The following NAALADL2 variants were observed in gnomAD, a reference collection of about 807,000 sequenced individuals.
The protein encoded by NAALADL2 is inactive N-acetylated-alpha-linked acidic dipeptidase-like protein 2.
NAALADL2 carries 76 observed loss-of-function variants against 87.2 expected under a neutral mutation model. That is an observed-to-expected ratio of 0.87 (90% CI 0.72 to 1.05). The LOEUF (loss-of-function observed/expected upper bound fraction) is 1.05. Ranked by LOEUF, NAALADL2 falls within the 50% of genes least tolerant of loss-of-function variation. The pLI is 0.00. For synonymous variants in NAALADL2, 354 were observed against 331.0 expected (o/e 1.07, Z -0.75); for missense variants, 1,089 against 945.8 (o/e 1.15, Z -1.99).
chr3:175,133,026 G>C (rs1385774002), intron 2 of NAALADL2, among the ~76,000 whole-genome samples: 3 of 148,996 alleles, frequency 2.0e-5, no homozygotes, highest in African/African-American at 7.5e-5. Flanking sequence ...CCAGGTAGAG[G>C]CACTCCCCAC....
intron 2 of NAALADL2, among the ~76,000 whole-genome samples, chr3:175,191,262 A>ATTTT (rs1560141439): frequency 6.6e-6 from 1 of 152,044 alleles, no homozygotes; most frequent in African/African-American, 2.4e-5. Context: ...ATTTTTTTAA[A>ATTTT]AAATCCCAAA....
In NAALADL2 at chr3:174,814,460, T is replaced by C. The variant is rs573952127; in HGVS notation, c.-9+76714T>C. On this transcript the variant is annotated intron_variant, in intron 3 of 3. Coordinates refer to the NAALADL2 transcript ENST00000434257. The stretch of plus-strand genomic sequence containing the variant: ...AGAATTTAAATATGTATCTTGCGTG[T>C]GATCTTTATATATGAAATAATATAA... 5.3e-5 allele frequency among the ~76,000 whole-genome samples: 8 copies of C among 152,298 alleles called. No individual in the cohort carries two copies. The South Asian group carries it at 1.7e-3, about 32-fold the overall frequency.
intron 11 of NAALADL2, among the ~76,000 whole-genome samples, chr3:175,691,664 T>C (rs1177428724): frequency 6.6e-6 from 1 of 152,052 alleles, no homozygotes; most frequent in Admixed American, 6.6e-5. Context: ...ATACTCACCG[T>C]TTGACCTATT....
At chr3:174,510,952 C>T (rs1231825767) in intron 1 of NAALADL2, among the ~76,000 whole-genome samples, 1 of 151,766 alleles carries the variant, frequency 6.6e-6, no homozygotes, top group South Asian at 2.1e-4. Flanking sequence ...TTCTGTTGAT[C>T]CATGTGTCAT....
chr3:174,565,744 C>T lies in NAALADL2; in HGVS notation c.-115+15107C>T, dbSNP rs1440626674. The stretch of plus-strand genomic sequence containing the variant: ...TTTTGTTTAGTTTTGTAAGAAACTG[C>T]TAAATTGTCTTCTGAGGTGTCTGTA... On this transcript the variant is annotated intron_variant, in intron 2 of 3. Coordinates refer to the NAALADL2 transcript ENST00000434257. Among the ~76,000 whole-genome samples the T allele has an allele frequency of 3.9e-5, 6 of 152,130 alleles. No homozygotes were observed. In the South Asian group the frequency reaches 1.2e-3, roughly 31 times the overall value.
intron 3 of NAALADL2, among the ~76,000 whole-genome samples, chr3:174,741,421 A>T (rs1370962648): frequency 1.3e-5 from 2 of 151,704 alleles, no homozygotes; most frequent in Admixed American, 1.3e-4. Flanking sequence ...CATACAACTT[A>T]ATTAGGTAAA....
chr3:174,980,688 T>A (rs1025875535), intron 1 of NAALADL2, among the ~76,000 whole-genome samples: 38 of 152,184 alleles, frequency 2.5e-4, no homozygotes, highest in Non-Finnish European at 2.9e-5. Context: ...TTAGAATATT[T>A]GTTTTATGAA....
chr3:175,284,763 G>A (rs946254397), intron 4 of NAALADL2, among the ~76,000 whole-genome samples: 2 of 151,844 alleles, frequency 1.3e-5, no homozygotes, highest in Non-Finnish European at 2.9e-5. Flanking sequence ...TGTATGACTG[G>A]GGACTAACTC....
In NAALADL2 at chr3:174,939,021, T is replaced by C. The variant is rs563870271; in HGVS notation, c.43+79571T>C. ...GAAGCTCTTAAGTTTAATTAGATCC[T>C]TCTCGTCAATTTTTGCTTTTGTTGT... On this transcript the variant is annotated intron_variant, in intron 1 of 13. Transcript: ENST00000454872. Among the ~76,000 whole-genome samples, 12 of 152,004 alleles carry C rather than the reference T, an allele frequency of 7.9e-5. 1 individual carries two copies. In the South Asian group the frequency reaches 2.5e-3, roughly 31 times the overall value.
chr3:175,672,016 T>C (rs968340303), intron 11 of NAALADL2, among the ~76,000 whole-genome samples: 1 of 152,136 alleles, frequency 6.6e-6, no homozygotes, highest in Non-Finnish European at 1.5e-5. Context: ...CCATGACTTC[T>C]TTTTATTAAA....
At chr3:175,030,439 T>C (rs1177732136) in intron 1 of NAALADL2, among the ~76,000 whole-genome samples, 1 of 152,110 alleles carries the variant, frequency 6.6e-6, no homozygotes, top group Non-Finnish European at 1.5e-5. Flanking sequence ...ATCTGAAATA[T>C]AGGCACTTAC....
intron 11 of NAALADL2, among the ~76,000 whole-genome samples, chr3:175,670,703 A>C (rs1733884980): frequency 6.6e-6 from 1 of 150,838 alleles, no homozygotes. Context: ...AATAATAAGG[A>C]ACATCTGGTT....
chr3:175,441,858 A>G (rs1719824735), intron 5 of NAALADL2, among the ~76,000 whole-genome samples: 1 of 152,130 alleles, frequency 6.6e-6, no homozygotes, highest in Non-Finnish European at 1.5e-5. Context: ...TCATCTCAGC[A>G]TGTGAGATTT....
At chr3:175,434,704 T>C (rs1356437496) in intron 5 of NAALADL2, among the ~76,000 whole-genome samples, 1 of 152,028 alleles carries the variant, frequency 6.6e-6, no homozygotes, top group African/African-American at 2.4e-5. Flanking sequence ...ACTAGTCTTT[T>C]TTCAAGGCTA....
chr3:175,659,558 G>A (rs1201304573), intron 11 of NAALADL2, among the ~76,000 whole-genome samples: 1 of 152,076 alleles, frequency 6.6e-6, no homozygotes, highest in Non-Finnish European at 1.5e-5. Context: ...AGAGCAAATA[G>A]GATGAACAAA....
At chr3:174,800,886 T>C (rs965749553) in intron 3 of NAALADL2, among the ~76,000 whole-genome samples, 2 of 152,226 alleles carry the variant, frequency 1.3e-5, no homozygotes, top group East Asian at 3.9e-4. Context: ...ACTACCCTGC[T>C]GGATTATGGA....
At chr3:174,835,461 T>G (rs1723217825) in intron 3 of NAALADL2, among the ~76,000 whole-genome samples, 1 of 152,130 alleles carries the variant, frequency 6.6e-6, no homozygotes, top group Admixed American at 6.5e-5. Context: ...ATTTTTTGCA[T>G]ATGACACCAA....
intron 1 of NAALADL2, among the ~76,000 whole-genome samples, chr3:174,982,531 C>T (rs1011508828): frequency 3.3e-5 from 5 of 152,184 alleles, no homozygotes; most frequent in Non-Finnish European, 5.9e-5. Context: ...AATCCCTACA[C>T]AAACATTTCT....
At chr3:175,747,795 C>A (rs943980172) in intron 12 of NAALADL2, among the ~76,000 whole-genome samples, 19 of 152,144 alleles carry the variant, frequency 1.2e-4, no homozygotes, top group African/African-American at 4.3e-4. Flanking sequence ...GCTCATATTT[C>A]CCAAGCAGTC....
Sources: allele counts gnomAD v4.1 joint callset (sites outside exome capture counted in the v4.1 genomes callset), GRCh38; gene constraint gnomAD v4.1.1; transcripts MANE v1.5; gene names NCBI Gene and HGNC (gene_info 2026-07-23, HGNC 2026-07-21).